LLGL1: variants seen among roughly 807,000 people sequenced by gnomAD.
LLGL1 encodes lethal(2) giant larvae protein homolog 1.
LLGL1 carries 58 observed loss-of-function variants against 110.6 expected under a neutral mutation model. That is an observed-to-expected ratio of 0.52 (90% CI 0.42 to 0.65). The LOEUF is 0.65. Ranked by LOEUF, LLGL1 falls within the 30% of genes least tolerant of loss-of-function variation. The pLI is 0.00. For missense variants in LLGL1, 1,229 were observed against 1,462.1 expected (o/e 0.84, Z 2.60); for synonymous variants, 674 against 607.2 (o/e 1.11, Z -1.62).
chr17:18,226,272 T>C (rs943995729), intron 1 of LLGL1, among the ~76,000 whole-genome samples: 1 of 152,214 alleles, frequency 6.6e-6, no homozygotes, highest in African/African-American at 2.4e-5. Flanking sequence ...TCTCTGTCTC[T>C]GTGGAGTCTC....
chr17:18,237,808 C>T lies in LLGL1; in HGVS notation c.1904+35C>T, dbSNP rs770700429. On this transcript the variant is annotated intron_variant, in intron 14 of 22. Transcript: ENST00000316843. Reference sequence around the variant, plus strand: ...GTGGGGCCGGCTGGGCAGTTGGAGCCCCCAGCGAGATGGGGTCTGGGCTTC... The same window carrying T: ...GTGGGGCCGGCTGGGCAGTTGGAGCTCCCAGCGAGATGGGGTCTGGGCTTC... The T allele has an allele frequency of 4.4e-6, 7 of 1,574,266 alleles. No homozygotes were observed. In the Admixed American group the frequency reaches 5.2e-5, roughly 12 times the overall value.
chr17:18,232,349 C>G (rs1597862833), intron 2 of LLGL1, 146 bp from the exon 3 acceptor site: 1 of 656,188 alleles, frequency 1.5e-6, no homozygotes, highest in African/African-American at 1.8e-5. Flanking sequence ...AGGGAGGGGG[C>G]CTCCGTTCTT....
At chr17:18,226,664 T>G (rs879502996) in intron 1 of LLGL1, among the ~76,000 whole-genome samples, 9 of 152,384 alleles carry the variant, frequency 5.9e-5, no homozygotes, top group Non-Finnish European at 1.3e-4. Context: ...ATGGGCCAGC[T>G]GTCCTGCCTT....
At chr17:18,239,193 G>A (rs909727906) in intron 16 of LLGL1, among the ~76,000 whole-genome samples, 2 of 152,100 alleles carry the variant, frequency 1.3e-5, no homozygotes, top group African/African-American at 2.4e-5. Flanking sequence ...CCCAGGCCCC[G>A]AGCCGGGCAT....
At chr17:18,236,037 C>T (rs561492369) in intron 11 of LLGL1, 99 of 187,128 alleles carry the variant, frequency 5.3e-4, no homozygotes, top group South Asian at 1.7e-3. Flanking sequence ...AGTCACACAC[C>T]TCTCACGCCC....
rs2047622077 is a variant in LLGL1 at position 18,233,791 on chromosome 17, C to T, written c.406C>T (p.Leu136Phe). Residue 136 changes from leucine (L) to phenylalanine (F), a missense_variant, in exon 5 of 23, where the codon CTT (leucine) becomes TTT (phenylalanine). Leu to Phe is a conservative substitution (Grantham distance 22). Coordinates refer to ENST00000316843, the MANE Select transcript of LLGL1 (RefSeq NM_004140.4). ...GFDGASAPLS[L>F]TRVTVVLLVA... is the part of the protein sequence containing the mutation. ...TGTTCCCTGCAGTGCTCCGCTCAGC[C>T]TTACCCGAGTCACAGTGGTCCTGCT... The T allele has an allele frequency of 6.2e-7, 1 of 1,613,748 alleles. No homozygotes were observed. Among genetic ancestry groups the T allele is most frequent in the East Asian group, 2.2e-5 (1 of 44,870 alleles).
chr17:18,234,210 GC>G (rs748291223), intron 6 of LLGL1, 35 bp downstream of exon 6: 1 of 1,599,052 alleles, frequency 6.3e-7, no homozygotes, highest in Non-Finnish European at 8.5e-7. Context: ...CTCAGCCTGG[GC>G]CCCTTGTGCA....
At chr17:18,235,440 T>C (rs2047671328) in intron 10 of LLGL1, 30 bp from the exon 11 acceptor site, 1 of 1,613,322 alleles carries the variant, frequency 6.2e-7, no homozygotes, top group African/African-American at 1.3e-5. Flanking sequence ...GTCCTAACCT[T>C]GTGCATACAT....
rs1289558675 is a variant in LLGL1, at chr17:18,240,826, A to C, written c.2455A>C (p.Met819Leu). ...ACGGGACCTGGCGCAGGCACCTGAC[A>C]TGCAGGGTGGTCACGCTGTGCTCAT... The part of the protein sequence containing the change: ...ASRDLAQAPD[M>L]QGGHAVLIAS... Residue 819 changes from methionine (M) to leucine (L), a missense_variant, in exon 17 of 23, where the codon ATG (methionine) becomes CTG (leucine). Coordinates refer to ENST00000316843, the MANE Select transcript of LLGL1 (RefSeq NM_004140.4). This position sits in a 1 kb window ranked among gnomAD's most constrained non-coding sequence, Gnocchi z 5.3. 1.9e-6 allele frequency: 3 copies of C among 1,569,530 alleles called. No individual in the cohort carries two copies. In the Admixed American group the frequency reaches 5.5e-5, roughly 29 times the overall value.
chr17:18,241,789 A>G, intron 18 of LLGL1, 74 bp downstream of exon 18: 2 of 1,608,102 alleles, frequency 1.2e-6, no homozygotes, highest in South Asian at 2.2e-5. Flanking sequence ...GCTTGGGAGC[A>G]GGAAGGGCAC....
Position 18,244,373 on chromosome 17 carries a change from C to G in LLGL1, c.*467C>G, listed in dbSNP as rs1300672602. 1 of 152,002 alleles carries G rather than the reference C, an allele frequency of 6.6e-6. No homozygotes were observed. Among genetic ancestry groups the G allele is most frequent in the African/African-American group, 2.4e-5 (1 of 41,290 alleles). The allele number at this position is 152,002 out of a possible 1,614,324, so 9.4% of individuals were successfully genotyped here. On this transcript the variant is annotated 3_prime_UTR_variant, in exon 23 of 23. Transcript: ENST00000316843. ...TCTTCTGCCTCAGCCTCCCAAGTAG[C>G]TGGGACTACAGGCGCCCACCACCAC...
Position 18,238,712 on chromosome 17 carries a change from C to T in LLGL1, c.2206+103C>T, listed in dbSNP as rs567902183. On this transcript the variant is annotated intron_variant, in intron 16 of 22. Coordinates refer to ENST00000316843, the MANE Select transcript of LLGL1 (RefSeq NM_004140.4). Reference sequence around the variant, plus strand: ...TGGCAAGGGAGGTGGTGGGACTGCACCTTCCAGGAGGTGGCTGGGCACGGT... The same window carrying T: ...TGGCAAGGGAGGTGGTGGGACTGCATCTTCCAGGAGGTGGCTGGGCACGGT... The T allele has an allele frequency of 3.0e-5, 37 of 1,228,164 alleles. No homozygotes were observed. The African/African-American group carries it at 4.0e-4, about 13-fold the overall frequency. The allele number at this position is 1,228,164 out of a possible 1,614,324, so 76.1% of individuals were successfully genotyped here.
Position 18,236,727 on chromosome 17 carries a change from G to C in LLGL1, c.1473G>C (p.Gln491His), listed in dbSNP as rs1597871252. Residue 491 changes from glutamine (Q) to histidine (H), a missense_variant, in exon 12 of 23, where the codon CAG becomes CAC. Physicochemically the swap from Gln to His is conservative, Grantham distance 24 (BLOSUM62 0). Transcript: ENST00000316843. ...TDCEHADSLAQAAEDDWPPFR... is the reference protein window; with the variant it reads ...TDCEHADSLAHAAEDDWPPFR... ...GTGAGCACGCTGACAGCCTGGCCCA[G>C]GCTGCCGAGGACGACTGGCCACCCT... 1 of 1,612,484 alleles carries C rather than the reference G, an allele frequency of 6.2e-7. No homozygotes were observed.
intron 16 of LLGL1, among the ~76,000 whole-genome samples, chr17:18,239,846 G>A (rs914756684): frequency 6.6e-6 from 1 of 152,020 alleles, no homozygotes; most frequent in Non-Finnish European, 1.5e-5. Flanking sequence ...ATGGGTTCAT[G>A]TTCATGGCCG....
chr17:18,226,334 A>G (rs1176277417), intron 1 of LLGL1, among the ~76,000 whole-genome samples: 3 of 151,368 alleles, frequency 2.0e-5, no homozygotes, highest in Non-Finnish European at 4.4e-5. Context: ...TAGGGGCTCC[A>G]TTGCGTCCCT....
intron 8 of LLGL1, 67 bp from the exon 9 acceptor site, chr17:18,234,772 C>A (rs2047652807): frequency 6.2e-7 from 1 of 1,613,512 alleles, no homozygotes; most frequent in South Asian, 1.1e-5. Context: ...TGGGCTCTCC[C>A]TAGGTTGTGC....
chr17:18,239,436 C>T (rs1182516196), intron 16 of LLGL1, among the ~76,000 whole-genome samples: 1 of 152,126 alleles, frequency 6.6e-6, no homozygotes, highest in Non-Finnish European at 1.5e-5. Flanking sequence ...CAAAGTTGTC[C>T]CACATACCTC....
chr17:18,236,367 C>T (rs1337280065), intron 11 of LLGL1: 9 of 526,544 alleles, frequency 1.7e-5, no homozygotes, highest in Non-Finnish European at 3.0e-5. Flanking sequence ...GTGGTCATTT[C>T]CACCTTGTTT....
intron 16 of LLGL1, among the ~76,000 whole-genome samples, chr17:18,239,467 G>A (rs2047773408): frequency 6.6e-6 from 1 of 152,174 alleles, no homozygotes; most frequent in Non-Finnish European, 1.5e-5. Flanking sequence ...CACCAGCCAT[G>A]TGCCCCTGCG....
Sources: allele counts gnomAD v4.1 joint callset (sites outside exome capture counted in the v4.1 genomes callset), GRCh38; gene constraint gnomAD v4.1.1; non-coding constraint Gnocchi (gnomAD v3.1); transcripts MANE v1.5; gene names NCBI Gene and HGNC (gene_info 2026-07-23, HGNC 2026-07-21).